The following FRMPD4 variants were observed in gnomAD, a reference collection of about 807,000 sequenced individuals.
FRMPD4 encodes FERM and PDZ domain containing 4.
A neutral mutation model predicts 94.1 loss-of-function variants in FRMPD4; 22 were observed. The observed-to-expected ratio is 0.23, with a 90% CI of 0.17 to 0.33. The LOEUF (loss-of-function observed/expected upper bound fraction) is 0.33. Ranked by LOEUF, FRMPD4 falls within the 10% of genes least tolerant of loss-of-function variation. The pLI, the probability that FRMPD4 is intolerant of heterozygous loss-of-function variation, is 1.00. For missense variants in FRMPD4, 1,111 were observed against 1,339.9 expected (o/e 0.83, Z 2.67); for synonymous variants, 631 against 548.6 (o/e 1.15, Z -2.10).
intron 1 of FRMPD4, among the ~76,000 whole-genome samples, chrX:12,270,001 G>A (rs182756053): frequency 8.7e-4 from 97 of 111,996 alleles, no homozygotes; most frequent in African/African-American, 2.9e-3. Flanking sequence ...CTTGAATCTG[G>A]TGATATTTAA....
chrX:12,621,332 A>G (rs772042653), intron 4 of FRMPD4, among the ~76,000 whole-genome samples: 1 of 111,811 alleles, frequency 8.9e-6, no homozygotes, highest in East Asian at 2.8e-4. Flanking sequence ...ATCACGAAGA[A>G]TCAAGCAAAC....
At chrX:12,386,348 G>A (rs1270312865) in intron 1 of FRMPD4, among the ~76,000 whole-genome samples, 1 of 112,254 alleles carries the variant, frequency 8.9e-6, no homozygotes, top group African/African-American at 3.2e-5. Context: ...TTTATGCAGT[G>A]GGTGAACAGA....
At chrX:12,319,329 C>T (rs973487276) in intron 1 of FRMPD4, among the ~76,000 whole-genome samples, 3 of 112,351 alleles carry the variant, frequency 2.7e-5, no homozygotes, top group Non-Finnish European at 3.8e-5. Context: ...TGTTCTCATA[C>T]GCAGCTGCAT....
chrX:12,221,996 A>G (rs749505536), intron 1 of FRMPD4, among the ~76,000 whole-genome samples: 11 of 111,862 alleles, frequency 9.8e-5, no homozygotes, highest in Non-Finnish European at 1.9e-4. Context: ...CATAACCACA[A>G]CAGTATGAAA....
chrX:12,592,523 C>A (rs993408839), intron 2 of FRMPD4, among the ~76,000 whole-genome samples: 1 of 111,733 alleles, frequency 8.9e-6, no homozygotes, highest in Admixed American at 9.4e-5. Flanking sequence ...TTATACATTT[C>A]TTTCTTTTTC....
chrX:12,239,569 C>G (rs777936602), intron 1 of FRMPD4, among the ~76,000 whole-genome samples: 20 of 112,359 alleles, frequency 1.8e-4, no homozygotes, highest in Non-Finnish European at 2.8e-4. Flanking sequence ...TTCTTCTCCA[C>G]ACAGTCATGC....
intron 1 of FRMPD4, among the ~76,000 whole-genome samples, chrX:12,359,176 A>C (rs2055942772): frequency 8.9e-6 from 1 of 112,120 alleles, no homozygotes; most frequent in South Asian, 3.7e-4. Flanking sequence ...ATAAAAATAG[A>C]GATGAATAGA....
intron 2 of FRMPD4, among the ~76,000 whole-genome samples, chrX:12,505,645 T>G (rs955833490): frequency 9.7e-5 from 10 of 103,024 alleles, no homozygotes; most frequent in Admixed American, 7.8e-4. Context: ...GAGAATCGCT[T>G]GAATCTGGGA....
chrX:12,010,159 G>A (rs1008989105), intron 3 of FRMPD4, among the ~76,000 whole-genome samples: 1 of 111,752 alleles, frequency 8.9e-6, no homozygotes, highest in Non-Finnish European at 1.9e-5. Flanking sequence ...CTGAGTAGTT[G>A]TGTGACCATA....
chrX:12,283,647 T>C (rs1601777206), intron 1 of FRMPD4, among the ~76,000 whole-genome samples: 1 of 108,137 alleles, frequency 9.2e-6, no homozygotes, highest in Admixed American at 9.9e-5. Context: ...TTTTTTTTTT[T>C]CCTTTGCTAG....
chrX:12,517,265 TGGA>T (rs943447611), intron 2 of FRMPD4, among the ~76,000 whole-genome samples: 5 of 111,548 alleles, frequency 4.5e-5, no homozygotes, highest in Non-Finnish European at 7.5e-5. Context: ...TCTGATCATT[TGGA>T]GGAGAAGAGG....
At chrX:12,457,018 T>C (rs753678815) in intron 1 of FRMPD4, among the ~76,000 whole-genome samples, 1 of 112,175 alleles carries the variant, frequency 8.9e-6, no homozygotes, top group East Asian at 2.8e-4. Context: ...CCTGAATGAT[T>C]TGAATTTTTA....
At chrX:12,541,393 A>G (rs1265989051) in intron 2 of FRMPD4, among the ~76,000 whole-genome samples, 3 of 111,560 alleles carry the variant, frequency 2.7e-5, no homozygotes, top group African/African-American at 9.8e-5. Context: ...TGCAATAAAA[A>G]ATGATAAAGG....
intron 1 of FRMPD4, among the ~76,000 whole-genome samples, chrX:11,841,850 A>G (rs1356680823): frequency 4.6e-5 from 5 of 108,153 alleles, no homozygotes; most frequent in Non-Finnish European, 3.8e-5. Context: ...GGTACTGCCT[A>G]GGTTTTCTTC....
At chrX:12,043,203 T>G (rs965838106) in intron 3 of FRMPD4, among the ~76,000 whole-genome samples, 9 of 111,985 alleles carry the variant, frequency 8.0e-5, no homozygotes, top group African/African-American at 2.6e-4. Context: ...CTTCACTCTG[T>G]CATACATTGA....
intron 1 of FRMPD4, among the ~76,000 whole-genome samples, chrX:11,832,267 T>C (rs754110399): frequency 1.8e-5 from 2 of 111,866 alleles, no homozygotes; most frequent in East Asian, 5.7e-4. Flanking sequence ...CACTACTCTT[T>C]CTGATTCCCA....
At chrX:12,166,414 G>A (rs1372801110) in intron 1 of FRMPD4, among the ~76,000 whole-genome samples, 2 of 111,467 alleles carry the variant, frequency 1.8e-5, no homozygotes, top group African/African-American at 6.5e-5. Context: ...CTTGATCATG[G>A]TGGATAAGCT....
At chrX:11,981,922 C>G (rs777122110) in intron 3 of FRMPD4, among the ~76,000 whole-genome samples, 1 of 111,527 alleles carries the variant, frequency 9.0e-6, no homozygotes, top group Non-Finnish European at 1.9e-5. Context: ...TCCACTCATC[C>G]CTTTCAGCTT....
intron 1 of FRMPD4, among the ~76,000 whole-genome samples, chrX:12,174,564 G>A (rs1273954228): frequency 4.5e-5 from 5 of 111,478 alleles, no homozygotes; most frequent in Admixed American, 9.5e-5. Context: ...TCTCTACTCC[G>A]TCCCCTTCTT....
Sources: gnomAD v4.1 joint callset for allele counts (sites outside exome capture counted in the v4.1 genomes callset) on GRCh38, gnomAD v4.1.1 for gene constraint, MANE v1.5 for transcripts, NCBI Gene and HGNC (gene_info 2026-07-23, HGNC 2026-07-21) for gene names.